The following RSBN1L variants were observed in gnomAD, a reference collection of about 807,000 sequenced individuals.
The protein encoded by RSBN1L is lysine-specific demethylase RSBN1L.
RSBN1L carries 30 observed loss-of-function variants against 67.7 expected under a neutral mutation model. That is an observed-to-expected ratio of 0.44 (90% confidence interval 0.33 to 0.60). The LOEUF (loss-of-function observed/expected upper bound fraction) is 0.60. Among genes scored for constraint, RSBN1L ranks in the 20% least tolerant of loss-of-function variants. RSBN1L has a pLI of 0.02. For synonymous variants in RSBN1L, 433 were observed against 387.0 expected, an observed-to-expected ratio of 1.12 and a Z score of -1.39; for missense variants, 992 against 1,031.7, an observed-to-expected ratio of 0.96 and a Z score of 0.53.
chr7:77,756,479 C>CA (rs1265712356), intron 3 of RSBN1L, among the ~76,000 whole-genome samples: 1 of 151,920 alleles, frequency 6.6e-6, no homozygotes, highest in Non-Finnish European at 1.5e-5. Flanking sequence ...CATTTAGCAG[C>CA]ATTAAAGACA....
At chr7:77,760,561 A>G (rs1040597227) in intron 3 of RSBN1L, among the ~76,000 whole-genome samples, 21 of 152,228 alleles carry the variant, frequency 1.4e-4, no homozygotes, top group Non-Finnish European at 1.9e-4. Flanking sequence ...AAGAGGAACT[A>G]TATGTATAAT....
chr7:77,759,100 T>G (rs1791662407), intron 3 of RSBN1L, among the ~76,000 whole-genome samples: 1 of 152,244 alleles, frequency 6.6e-6, no homozygotes, highest in Admixed American at 6.5e-5. Flanking sequence ...TAGACCTGCT[T>G]CACTGTAGAG....
At chr7:77,760,657 G>A (rs1791686809) in intron 3 of RSBN1L, among the ~76,000 whole-genome samples, 1 of 152,080 alleles carries the variant, frequency 6.6e-6, no homozygotes, top group African/African-American at 2.4e-5. Context: ...TTTTGAGACT[G>A]AGTTTCACTT....
intron 1 of RSBN1L, among the ~76,000 whole-genome samples, chr7:77,719,995 C>T (rs916751940): frequency 6.6e-6 from 1 of 152,186 alleles, no homozygotes; most frequent in Admixed American, 6.5e-5. Flanking sequence ...GAACTCCTGG[C>T]CTCAAGCCAT....
chr7:77,778,232 C>A, intron 6 of RSBN1L, 106 bp from the exon 7 acceptor site: 1 of 674,628 alleles, frequency 1.5e-6, no homozygotes. Context: ...ATTTGTAAGA[C>A]AGTACTATGG....
In RSBN1L at chr7:77,749,833, C is replaced by T. The variant is rs1026420231; in HGVS notation, c.1113C>T (p.His371=). 1.8e-5 allele frequency: 29 copies of T among 1,614,006 alleles called. No homozygotes were observed. Among genetic ancestry groups the T allele is most frequent in the African/African-American group, 2.7e-5 (2 of 74,922 alleles). The change falls in exon 3 of 8, where the codon CAC becomes CAT. Residue 371 remains histidine, a synonymous_variant. Coordinates refer to ENST00000334955, the MANE Select transcript of RSBN1L (RefSeq NM_198467.3). ...ATGCCTACAGTAACGAACTCTCCCA[C>T]CTGTCTCCTATGGAGATGGAGAGGT... ...VIHAYSNELS[H]LSPMEMERFA...
rs996724461 is a variant in RSBN1L at position 77,782,707 on chromosome 7, C to T, written c.*3539C>T. ...TATTCATTTTTAATGCATTCTGTAA[C>T]TTTTCTCGAGTGGTGGTCATTGAGG... On this transcript the variant is annotated 3_prime_UTR_variant, in exon 8 of 8. Transcript: ENST00000334955. 2.0e-5 allele frequency: 3 copies of T among 151,766 alleles called. No individual in the cohort carries two copies. Among genetic ancestry groups the T allele is most frequent in the African/African-American group, 7.3e-5 (3 of 41,354 alleles). 9.4% of individuals were successfully genotyped at this position (151,766 alleles called of 1,614,324 possible).
chr7:77,720,569 T>G (rs745404386), intron 1 of RSBN1L, among the ~76,000 whole-genome samples: 16 of 152,014 alleles, frequency 1.1e-4, no homozygotes, highest in Middle Eastern at 6.8e-3. Context: ...AAAAAAAAAT[T>G]GCAGAAGACA....
intron 1 of RSBN1L, among the ~76,000 whole-genome samples, chr7:77,704,325 A>G (rs1409875572): frequency 2.0e-5 from 3 of 152,220 alleles, no homozygotes; most frequent in Admixed American, 6.5e-5. Flanking sequence ...CAAGTAATGG[A>G]TAAACTACCT....
chr7:77,728,781 C>T (rs1344046591), intron 1 of RSBN1L, among the ~76,000 whole-genome samples: 1 of 152,128 alleles, frequency 6.6e-6, no homozygotes, highest in Non-Finnish European at 1.5e-5. Context: ...GGGGATTTTT[C>T]TATGGGGTGC....
At chr7:77,708,556 G>GT (rs1431541591) in intron 1 of RSBN1L, among the ~76,000 whole-genome samples, 2 of 151,732 alleles carry the variant, frequency 1.3e-5, no homozygotes, top group African/African-American at 4.8e-5. Context: ...TCATTTTTTT[G>GT]TATTTTTAGT....
At chr7:77,771,451 T>C (rs879784412) in intron 5 of RSBN1L, among the ~76,000 whole-genome samples, 1 of 152,138 alleles carries the variant, frequency 6.6e-6, no homozygotes, top group African/African-American at 2.4e-5. Context: ...TGAATAAAAT[T>C]TTACAGGTTA....
At chr7:77,767,416 C>G (rs1362082567) in intron 4 of RSBN1L, among the ~76,000 whole-genome samples, 1 of 151,818 alleles carries the variant, frequency 6.6e-6, no homozygotes, top group Admixed American at 6.6e-5. Flanking sequence ...CTGTGTCATC[C>G]AGGCTGGAGG....
intron 2 of RSBN1L, among the ~76,000 whole-genome samples, chr7:77,742,180 A>AAACACACACACAC (rs1554340015): frequency 1.2e-5 from 1 of 82,178 alleles, no homozygotes; most frequent in Non-Finnish European, 2.3e-5. Context: ...AAAAAAAAAA[A>AAACACACACACAC]ATACACACAC....
At chr7:77,736,631 G>C (rs1791340497) in intron 2 of RSBN1L, 105 bp downstream of exon 2, 4 of 544,526 alleles carry the variant, frequency 7.3e-6, no homozygotes, top group Non-Finnish European at 1.2e-5. Flanking sequence ...GAATTTTGCG[G>C]AGAATGAACA....
intron 1 of RSBN1L, among the ~76,000 whole-genome samples, chr7:77,706,479 G>A (rs1790894475): frequency 6.6e-6 from 1 of 152,158 alleles, no homozygotes; most frequent in Admixed American, 6.5e-5. Context: ...CCAAAGTGCT[G>A]AGATTACAGG....
intron 2 of RSBN1L, among the ~76,000 whole-genome samples, chr7:77,740,436 T>C (rs1288337671): frequency 1.3e-5 from 2 of 152,230 alleles, no homozygotes; most frequent in Non-Finnish European, 2.9e-5. Context: ...CCAAGGTGAC[T>C]GGTAGTGTAC....
In RSBN1L at chr7:77,749,631, T is replaced by A. The variant is rs774928887; in HGVS notation, c.911T>A (p.Val304Asp). The A allele has an allele frequency of 6.2e-7, 1 of 1,613,986 alleles. No individual in the cohort carries two copies. Among genetic ancestry groups the A allele is most frequent in the East Asian group, 2.2e-5 (1 of 44,866 alleles). The change falls in exon 3 of 8, where the codon GTT (valine) becomes GAT (aspartate). Residue 304 changes from valine to aspartate, a missense_variant. By Grantham distance (152) the Val-to-Asp change is radical. Coordinates refer to ENST00000334955, the MANE Select transcript of RSBN1L (RefSeq NM_198467.3). ...CTAAATGATAACATAAAAGATTACG[T>A]TGGGAAGAATTTGGATACCAAGAAC... ...GILNDNIKDYVGKNLDTKNYD... is the reference protein window; with the variant it reads ...GILNDNIKDYDGKNLDTKNYD...
intron 1 of RSBN1L, among the ~76,000 whole-genome samples, chr7:77,703,034 G>GC (rs1790839032): frequency 6.6e-6 from 1 of 152,190 alleles, no homozygotes; most frequent in Non-Finnish European, 1.5e-5. Context: ...GAAGGGCTTG[G>GC]CAGAGGTAAT....
Sources: gnomAD v4.1 joint callset for allele counts (sites outside exome capture counted in the v4.1 genomes callset) on GRCh38, gnomAD v4.1.1 for gene constraint, MANE v1.5 for transcripts, NCBI Gene and HGNC (gene_info 2026-07-23, HGNC 2026-07-21) for gene names.